The following GCN1 variants were observed in gnomAD, a reference collection of about 807,000 sequenced individuals.
The protein encoded by GCN1 is stalled ribosome sensor GCN1.
In GCN1, 90 loss-of-function variants were observed where a neutral mutation model predicts 288.4. That is an observed-to-expected ratio of 0.31 (90% CI 0.26 to 0.37). The LOEUF (loss-of-function observed/expected upper bound fraction) is 0.37, where lower values mean the gene tolerates loss of function less well. Among genes scored for constraint, GCN1 ranks in the 10% least tolerant of loss-of-function variants. GCN1 has a pLI of 1.00. For missense variants in GCN1, 2,586 were observed against 3,419.9 expected (o/e 0.76, Z 6.08); for synonymous variants, 1,386 against 1,420.2 (o/e 0.98, Z 0.54).
In GCN1 at chr12:120,175,864, T is replaced by C. The variant is rs775650564; in HGVS notation, c.924A>G (p.Lys308=). 6.2e-7 allele frequency: 1 copy of C among 1,609,116 alleles called. No homozygotes were observed. ...DIVKGLAGHL[K]SNSPRLMDEA... The stretch of plus-strand genomic sequence containing the variant: ...CATCCATCAGGCGGGGACTGTTGGA[T>C]TTCAGGTGACCTGCACACACAAAGC... Residue 308 remains lysine (K), a synonymous_variant, in exon 11 of 58, where the codon AAA becomes AAG. Coordinates refer to ENST00000300648, the MANE Select transcript of GCN1 (RefSeq NM_006836.2).
intron 36 of GCN1, 139 bp from the exon 37 acceptor site, chr12:120,148,485 G>T: frequency 1.5e-6 from 1 of 675,284 alleles, no homozygotes; most frequent in East Asian, 2.8e-5. Flanking sequence ...GGAGGGGAGA[G>T]GGGGCTGGCT....
intron 45 of GCN1, among the ~76,000 whole-genome samples, chr12:120,139,987 G>C (rs1877137952): frequency 6.6e-6 from 1 of 152,246 alleles, no homozygotes; most frequent in African/African-American, 2.4e-5. Flanking sequence ...CCATTGGACT[G>C]TGGGGACTTT....
chr12:120,165,683 A>G (rs1878100329), intron 16 of GCN1, among the ~76,000 whole-genome samples: 1 of 151,634 alleles, frequency 6.6e-6, no homozygotes, highest in African/African-American at 2.4e-5. Flanking sequence ...CATGTTGGCC[A>G]GGATAATTCT....
At chr12:120,181,667 C>T (rs1878667223) in intron 5 of GCN1, among the ~76,000 whole-genome samples, 1 of 151,190 alleles carries the variant, frequency 6.6e-6, no homozygotes, top group Admixed American at 6.6e-5. Flanking sequence ...TAGAGAAACC[C>T]CGTCTCTAGT....
intron 42 of GCN1, among the ~76,000 whole-genome samples, chr12:120,143,308 T>G (rs1220027014): frequency 6.6e-6 from 1 of 152,068 alleles, no homozygotes; most frequent in African/African-American, 2.4e-5. Flanking sequence ...TCAGGCCAGG[T>G]GTGGTGGCTC....
Position 120,164,693 on chromosome 12 carries a change from C to G in GCN1, c.1641G>C (p.Glu547Asp). 6.2e-7 allele frequency: 1 copy of G among 1,613,566 alleles called. No homozygotes were observed. The highest frequency in any genetic ancestry group is 8.5e-7 in the Non-Finnish European group (1 of 1,179,498). ...TATGCGGGTGGTCAAGGAAAAGTCT[C>G]TCTGTCAGATGCAACACAGTACACA... ...DALCTVLHLT[E>D]RLFLDHPHRL... Residue 547 changes from glutamate (E) to aspartate (D), a missense_variant, in exon 17 of 58, where the codon GAG becomes GAC. Coordinates refer to ENST00000300648, the MANE Select transcript of GCN1 (RefSeq NM_006836.2).
At chr12:120,145,174 C>G in intron 39 of GCN1, 88 bp downstream of exon 39, 1 of 1,558,096 alleles carries the variant, frequency 6.4e-7, no homozygotes, top group Non-Finnish European at 8.8e-7. Flanking sequence ...CCAACAGACA[C>G]AAAAGCAGCT....
chr12:120,134,987 G>A lies in GCN1; in HGVS notation c.7009-261C>T, dbSNP rs188073529. Among the ~76,000 whole-genome samples, 15 of 152,342 alleles carry A rather than the reference G, an allele frequency of 9.8e-5. No homozygotes were observed. In the East Asian group the frequency reaches 2.7e-3, roughly 27 times the overall value. ...GGCCGCTATCTGAGGGAGCTGTCTC[G>A]CAGCCTTGGCTGCGTTGGGGTTTGG... On this transcript the variant is annotated intron_variant, in intron 51 of 57. Transcript: ENST00000300648. The surrounding 1 kb of genome is among the most constrained non-coding windows in gnomAD (Gnocchi z 5.0).
chr12:120,145,844 A>G (rs952306940), intron 38 of GCN1, among the ~76,000 whole-genome samples: 2 of 152,256 alleles, frequency 1.3e-5, no homozygotes, highest in Non-Finnish European at 2.9e-5. Context: ...ATAGAATTAT[A>G]TAAGTTATGG....
At position 120,134,241 on chromosome 12, in the gene GCN1, G is replaced by A; in HGVS notation, c.7317+50C>T. ...GTGAAGAACTCAACCTAAGGAGGAG[G>A]AGGGAAACCAGTGGTCCAGTGCTGC... On this transcript the variant is annotated intron_variant, in intron 53 of 57. Coordinates refer to ENST00000300648, the MANE Select transcript of GCN1 (RefSeq NM_006836.2). The surrounding 1 kb of genome is among the most constrained non-coding windows in gnomAD (Gnocchi z 5.0). The A allele has an allele frequency of 8.1e-7, 1 of 1,234,736 alleles. No homozygotes were observed. The highest frequency in any genetic ancestry group is 1.5e-5 in the African/African-American group (1 of 67,864). 76.5% of individuals were successfully genotyped at this position (1,234,736 alleles called of 1,614,324 possible).
intron 16 of GCN1, 97 bp from the exon 17 acceptor site, chr12:120,164,818 A>G: frequency 1.3e-6 from 1 of 744,792 alleles, no homozygotes; most frequent in South Asian, 1.8e-5. Context: ...CTGAAAATTA[A>G]CACCAAAATA....
intron 10 of GCN1, 62 bp from the exon 11 acceptor site, chr12:120,175,936 T>C (rs1359112965): frequency 3.6e-5 from 57 of 1,569,286 alleles, no homozygotes; most frequent in Non-Finnish European, 4.7e-5. Context: ...CTTTCGTCTT[T>C]GTCTTTTCCA....
chr12:120,190,940 T>TG (rs1237232229), intron 1 of GCN1, among the ~76,000 whole-genome samples: 3 of 152,182 alleles, frequency 2.0e-5, no homozygotes, highest in African/African-American at 7.2e-5. Flanking sequence ...GTTAGGAGAT[T>TG]GGATCCCAGC....
intron 14 of GCN1, among the ~76,000 whole-genome samples, chr12:120,173,131 C>T (rs1446546634): frequency 6.6e-6 from 1 of 150,538 alleles, no homozygotes; most frequent in Non-Finnish European, 1.5e-5. Flanking sequence ...GCAATCTCGG[C>T]TCACTGCAAC....
intron 34 of GCN1, among the ~76,000 whole-genome samples, chr12:120,150,798 G>A (rs1248714897): frequency 1.2e-4 from 18 of 151,840 alleles, no homozygotes; most frequent in East Asian, 9.7e-4. Context: ...TTAGCCGGGC[G>A]TGGTGGCGGG....
Position 120,153,390 on chromosome 12 carries a change from C to T in GCN1, c.3885G>A (p.Leu1295=), listed in dbSNP as rs1312184710. 1 of 1,613,972 alleles carries T rather than the reference C, an allele frequency of 6.2e-7. No individual in the cohort carries two copies. The highest frequency in any genetic ancestry group is 1.3e-5 in the African/African-American group (1 of 74,938). ...TCAGGAACTCCTCGAATACTGGCAA[C>T]AGCGAGTTGACGTTCTCCTGGAAAG... ...NTHGKENVNS[L]LPVFEEFLKN... Residue 1295 remains leucine (L), a synonymous_variant, in exon 33 of 58, where the codon CTG becomes CTA. Transcript: ENST00000300648. The surrounding 1 kb of genome is among the most constrained non-coding windows in gnomAD (Gnocchi z 4.4).
intron 9 of GCN1, 108 bp downstream of exon 9, chr12:120,177,339 A>G: frequency 1.6e-6 from 1 of 626,862 alleles, no homozygotes; most frequent in Non-Finnish European, 2.9e-6. Flanking sequence ...CAATGAATAC[A>G]TCCCCCTTCC....
Position 120,173,764 on chromosome 12 carries a change from T to A in GCN1, c.1255A>T (p.Met419Leu). Residue 419 changes from methionine (M) to leucine (L), a missense_variant, in exon 14 of 58, where the codon ATG becomes TTG. Coordinates refer to ENST00000300648, the MANE Select transcript of GCN1 (RefSeq NM_006836.2). ...VLALWCNRFT[M>L]EVPKKLTEWF... ...TCAGTGAGCTTCTTGGGCACTTCCA[T>A]AGTGAATCGGTTACACCAGAGAGCC... is the stretch of plus-strand genomic sequence containing the variant. The A allele has an allele frequency of 6.2e-7, 1 of 1,613,540 alleles. No homozygotes were observed. Among genetic ancestry groups the A allele is most frequent in the Non-Finnish European group, 8.5e-7 (1 of 1,179,462 alleles).
chr12:120,165,478 C>CT (rs1878091180), intron 16 of GCN1, among the ~76,000 whole-genome samples: 1 of 150,362 alleles, frequency 6.7e-6, no homozygotes, highest in Non-Finnish European at 1.5e-5. Flanking sequence ...CCTATTTTTA[C>CT]TTTTTTTGAG....
Sources: gnomAD v4.1 joint callset for allele counts (sites outside exome capture counted in the v4.1 genomes callset) on GRCh38, gnomAD v4.1.1 for gene constraint, Gnocchi (gnomAD v3.1) non-coding constraint, MANE v1.5 for transcripts, NCBI Gene and HGNC (gene_info 2026-07-23, HGNC 2026-07-21) for gene names.